TASOR2: variants seen among roughly 807,000 people sequenced by gnomAD.
TASOR2 encodes protein TASOR 2.
In TASOR2, 84 loss-of-function variants were observed where a neutral mutation model predicts 199.5. That is an observed-to-expected ratio of 0.42 (90% CI 0.35 to 0.50). TASOR2 has a LOEUF of 0.50. Ranked by LOEUF, TASOR2 falls within the 20% of genes least tolerant of loss-of-function variation. TASOR2 has a pLI of 0.02. For missense variants in TASOR2, 2,796 were observed against 2,835.9 expected, an observed-to-expected ratio of 0.99 and a Z score of 0.32; for synonymous variants, 1,103 against 1,046.6, an observed-to-expected ratio of 1.05 and a Z score of -1.04.
At chr10:5,759,888 A>G (rs1277858817) in intron 18 of TASOR2, among the ~76,000 whole-genome samples, 2 of 152,254 alleles carry the variant, frequency 1.3e-5, no homozygotes, top group Non-Finnish European at 2.9e-5. Context: ...GACCATTCAC[A>G]GCGGACTTCA....
Position 5,750,069 on chromosome 10 carries a change from A to G in TASOR2, c.6606+42A>G. The G allele has an allele frequency of 6.6e-7, 1 of 1,523,052 alleles. No individual in the cohort carries two copies. Among genetic ancestry groups the G allele is most frequent in the Non-Finnish European group, 8.8e-7 (1 of 1,139,526 alleles). 94.3% of individuals were successfully genotyped at this position (1,523,052 alleles called of 1,614,324 possible). On this transcript the variant is annotated intron_variant, in intron 15 of 20. Transcript: ENST00000328090. The surrounding 1 kb of genome is among the most constrained non-coding windows in gnomAD (Gnocchi z 5.4). ...GTCTTACGTATTATTTTAATTGCTGATTTTAGTTTTAGAAATAATAAATTT... is the reference window on the plus strand; with the variant it reads ...GTCTTACGTATTATTTTAATTGCTGGTTTTAGTTTTAGAAATAATAAATTT...
At chr10:5,725,070 G>T (rs1359772828) in intron 8 of TASOR2, among the ~76,000 whole-genome samples, 1 of 152,138 alleles carries the variant, frequency 6.6e-6, no homozygotes, top group African/African-American at 2.4e-5. Context: ...GCCCCAGAGG[G>T]TGGGTAGCAT....
At chr10:5,709,128 A>G (rs1353062452) in intron 1 of TASOR2, among the ~76,000 whole-genome samples, 1 of 152,212 alleles carries the variant, frequency 6.6e-6, no homozygotes, top group Non-Finnish European at 1.5e-5. Flanking sequence ...GTTTTGTTTA[A>G]TGAATATATA....
At chr10:5,688,118 G>A (rs867826772) in intron 1 of TASOR2, among the ~76,000 whole-genome samples, 1 of 152,176 alleles carries the variant, frequency 6.6e-6, no homozygotes, top group Admixed American at 6.5e-5. Flanking sequence ...AGAAAATCCA[G>A]CGTCATTCAG....
Position 5,748,274 on chromosome 10 carries a change from T to C in TASOR2, c.4853T>C (p.Leu1618Pro), listed in dbSNP as rs1837504180. ...AGCCCTAAAAGCAGTCAGAACCATC[T>C]CTTTCCCGGTGATTTGAAAACAGAT... The change falls in exon 15 of 21, where the codon CTC becomes CCC. Residue 1618 changes from leucine (L) to proline (P), a missense_variant. Around this residue, in one of 3 missense-constraint regions of TASOR2, gnomAD observed 1,941 missense variants for 1,924.9 expected, o/e 1.01. Coordinates refer to ENST00000328090, the Ensembl canonical transcript of TASOR2. The surrounding 1 kb of genome is among the most constrained non-coding windows in gnomAD (Gnocchi z 5.1). 3 of 1,614,058 alleles carry C rather than the reference T, an allele frequency of 1.9e-6. No homozygotes were observed. The highest frequency in any genetic ancestry group is 2.5e-6 in the Non-Finnish European group (3 of 1,180,050).
chr10:5,695,263 C>G (rs906135735), intron 1 of TASOR2, among the ~76,000 whole-genome samples: 1 of 152,068 alleles, frequency 6.6e-6, no homozygotes, highest in Non-Finnish European at 1.5e-5. Flanking sequence ...TTGCTTGGCT[C>G]ATTAAGGAAA....
intron 11 of TASOR2, 75 bp downstream of exon 12, chr10:5,731,278 C>G: frequency 7.0e-7 from 1 of 1,432,174 alleles, no homozygotes; most frequent in East Asian, 2.3e-5. Context: ...GCCTGTAATC[C>G]CAGCACTTTG....
intron 15 of TASOR2, among the ~76,000 whole-genome samples, chr10:5,756,095 T>G (rs1368908656): frequency 6.6e-6 from 1 of 152,174 alleles, no homozygotes; most frequent in Non-Finnish European, 1.5e-5. Context: ...TAGGGAGCCA[T>G]TCTGTGTGTT....
chr10:5,761,945 A>AATGGCTTGAACCCCGGAGGCAGAGGTTG (rs1839914040), intron 19 of TASOR2: 1 of 152,760 alleles, frequency 6.5e-6, no homozygotes, highest in South Asian at 2.1e-4. Context: ...GAGGCAGGAG[A>AATGGCTTGAACCCCGGAGGCAGAGGTTG]ATGGCTTGAA....
At chr10:5,758,145 CACTTTT>C (rs1339361487) in intron 17 of TASOR2, among the ~76,000 whole-genome samples, 2 of 152,160 alleles carry the variant, frequency 1.3e-5, no homozygotes, top group Non-Finnish European at 2.9e-5. Flanking sequence ...TCTCTCAGGG[CACTTTT>C]ATGTATAAAA....
At position 5,739,809 on chromosome 10, in the gene TASOR2, T is replaced by A. The variant is rs565303395; in HGVS notation, c.1639T>A (p.Ser547Thr). The A allele has an allele frequency of 7.4e-6, 12 of 1,614,202 alleles. No homozygotes were observed. In the South Asian group the frequency reaches 1.3e-4, roughly 18 times the overall value. The change falls in exon 13 of 21, where the codon TCT becomes ACT. Residue 547 changes from serine (S) to threonine (T), a missense_variant. Physicochemically the swap from Ser to Thr is moderately conservative, Grantham distance 58 (BLOSUM62 1). Transcript: ENST00000328090. ...CGATCTAGCATTAAGCTCTGCTACTTCTTCCACACCAGTATCTGAGGCTAG... is the reference window on the plus strand; with the variant it reads ...CGATCTAGCATTAAGCTCTGCTACTACTTCCACACCAGTATCTGAGGCTAG...
intron 2 of TASOR2, among the ~76,000 whole-genome samples, chr10:5,715,769 A>G (rs896773359): frequency 6.6e-6 from 1 of 152,064 alleles, no homozygotes; most frequent in African/African-American, 2.4e-5. Flanking sequence ...CAGCCTCCTG[A>G]GTAGCTGAGA....
chr10:5,708,631 CCTCCCTTCCTT>C (rs775583636), intron 1 of TASOR2, among the ~76,000 whole-genome samples: 1,299 of 25,506 alleles, frequency 0.051, 51 homozygotes, highest in African/African-American at 0.088. Flanking sequence ...TCCCTCCCTT[CCTCCCTTCCTT>C]CCTTCCTTCC....
intron 1 of TASOR2, among the ~76,000 whole-genome samples, chr10:5,708,701 T>C (rs1434441497): frequency 1.4e-5 from 2 of 141,540 alleles, no homozygotes; most frequent in Non-Finnish European, 3.1e-5. Flanking sequence ...TTTCTTTCCT[T>C]TCCTCTCTTT....
intron 19 of TASOR2, 117 bp from the exon 21 acceptor site, chr10:5,762,415 C>G (rs1839995199): frequency 4.8e-6 from 2 of 417,170 alleles, no homozygotes; most frequent in Non-Finnish European, 8.6e-6. Flanking sequence ...ACCTTTTCTC[C>G]CCCTACCCCT....
intron 14 of TASOR2, among the ~76,000 whole-genome samples, chr10:5,745,550 T>G (rs909590515): frequency 6.6e-6 from 1 of 152,104 alleles, no homozygotes; most frequent in African/African-American, 2.4e-5. Context: ...GAGGCCGAGG[T>G]GGGTGGATCA....
chr10:5,702,079 A>G (rs1045215655), intron 1 of TASOR2, among the ~76,000 whole-genome samples: 1 of 152,134 alleles, frequency 6.6e-6, no homozygotes, highest in African/African-American at 2.4e-5. Flanking sequence ...GTTCAGGATG[A>G]TGTTTGCTAT....
At chr10:5,756,525 A>G (rs1233609936) in intron 15 of TASOR2, 88 bp from the exon 17 acceptor site, 11 of 1,388,570 alleles carry the variant, frequency 7.9e-6, no homozygotes, top group South Asian at 2.7e-5. Context: ...TTATTAGACT[A>G]TACTGCTTTT....
At chr10:5,746,196 T>G (rs1215458552) in exon 15 of TASOR2, 1 of 1,550,530 alleles carries the variant, frequency 6.4e-7, no homozygotes, top group Non-Finnish European at 8.7e-7. Context: ...GGGAAGAAGC[T>G]AAACAAGAAT....
Sources: allele counts gnomAD v4.1 joint callset (sites outside exome capture counted in the v4.1 genomes callset), GRCh38; gene constraint gnomAD v4.1.1; regional missense constraint gnomAD v4.1.1; non-coding constraint Gnocchi (gnomAD v3.1); transcripts MANE v1.5; gene names NCBI Gene and HGNC (gene_info 2026-07-23, HGNC 2026-07-21).